TTLL9: variants seen among roughly 807,000 people sequenced by gnomAD.
TTLL9 encodes tubulin tyrosine ligase like 9.
Under a neutral mutation model 65.6 loss-of-function variants are expected in TTLL9, and 47 were observed. That is an observed-to-expected ratio of 0.72 (90% CI 0.57 to 0.91). The LOEUF (loss-of-function observed/expected upper bound fraction) is 0.91, where lower values mean the gene tolerates loss of function less well. TTLL9 is among the 40% of genes least tolerant of loss of function. The pLI, the probability that TTLL9 is intolerant of heterozygous loss-of-function variation, is 0.00. For synonymous variants in TTLL9, 179 were observed against 204.8 expected (o/e 0.87, Z 1.07); for missense variants, 537 against 568.8 (o/e 0.94, Z 0.57).
At chr20:31,933,910 C>G in intron 11 of TTLL9, 52 bp downstream of exon 11, 1 of 1,555,756 alleles carries the variant, frequency 6.4e-7, no homozygotes, top group South Asian at 1.2e-5. Flanking sequence ...GGCGCCAGGT[C>G]GGGGTGGGGA....
chr20:31,873,854 AAGAAAGAAAGAAAGAAAG>A lies in TTLL9; in HGVS notation c.69+2661_69+2678del, dbSNP rs1158540920. Among the ~76,000 whole-genome samples the A allele has an allele frequency of 3.9e-4, 58 of 150,288 alleles. 1 individual carries two copies. In the East Asian group the frequency reaches 7.5e-3, roughly 19 times the overall value. On this transcript the variant is annotated intron_variant, in intron 2 of 14. Transcript: ENST00000535842. The stretch of plus-strand genomic sequence containing the variant: ...AAAGAAAGAAAGAAAGAAAGAAAGA[AAGAAAGAAAGAAAGAAAG>A]AAAGAAAGAAAGAGAAAGAAAACAC...
Position 31,934,732 on chromosome 20 carries a change from C to A in TTLL9, c.848C>A (p.Ala283Glu), listed in dbSNP as rs773056812. Reference protein sequence around the residue: ...WTLQRFRQYLASKHGPEAVET... With the variant: ...WTLQRFRQYLESKHGPEAVET... Reference sequence around the variant, plus strand: ...CTGCAGCGCTTCCGGCAGTACCTGGCGTCCAAACACGGGCCCGAGGCAGTG... The same window carrying A: ...CTGCAGCGCTTCCGGCAGTACCTGGAGTCCAAACACGGGCCCGAGGCAGTG... Residue 283 changes from alanine (A) to glutamate (E), a missense_variant, in exon 12 of 15, where the codon GCG becomes GAG. By Grantham distance (107) the Ala-to-Glu change is moderately radical (BLOSUM62 -1). Coordinates refer to ENST00000535842, the MANE Select transcript of TTLL9 (RefSeq NM_001008409.5). The A allele has an allele frequency of 4.3e-6, 7 of 1,612,234 alleles. No individual in the cohort carries two copies. The East Asian group carries it at 1.3e-4, about 31-fold the overall frequency.
At chr20:31,884,516 C>A (rs749238894) in intron 2 of TTLL9, among the ~76,000 whole-genome samples, 2 of 152,096 alleles carry the variant, frequency 1.3e-5, no homozygotes, top group African/African-American at 4.8e-5. Context: ...TGTGAGCCAC[C>A]GAACCTGGTC....
chr20:31,923,796 G>A (rs1009628225), intron 8 of TTLL9, among the ~76,000 whole-genome samples: 1 of 152,006 alleles, frequency 6.6e-6, no homozygotes, highest in African/African-American at 2.4e-5. Flanking sequence ...ACCTTCCCCA[G>A]GGGGCAGCCC....
chr20:31,885,740 C>T (rs2063179766), intron 2 of TTLL9, among the ~76,000 whole-genome samples: 2 of 152,216 alleles, frequency 1.3e-5, no homozygotes, highest in African/African-American at 4.8e-5. Context: ...CCCTAGAGTA[C>T]ATGCCTTGTA....
intron 2 of TTLL9, among the ~76,000 whole-genome samples, chr20:31,873,840 G>GAAAA (rs1333269602): frequency 3.1e-5 from 4 of 129,190 alleles, no homozygotes; most frequent in East Asian, 2.1e-4. Flanking sequence ...AAGAAAGAAA[G>GAAAA]AAAGAAAGAA....
At chr20:31,939,350 G>T in intron 14 of TTLL9, 84 bp downstream of exon 14, 2 of 1,505,522 alleles carry the variant, frequency 1.3e-6, no homozygotes, top group Non-Finnish European at 1.8e-6. Flanking sequence ...TTGGGATAGT[G>T]GTTAGATTGT....
Position 31,939,284 on chromosome 20 carries a change from G to C in TTLL9, c.1243+18G>C. The C allele has an allele frequency of 3.7e-6, 6 of 1,612,994 alleles. No individual in the cohort carries two copies. The highest frequency in any genetic ancestry group is 1.7e-4 in the Middle Eastern group (1 of 6,054). ...ACATCTCGGTATGTAGGGCCAGGTG[G>C]GGAGTGGGCACAAGGGATGGGGTCA... On this transcript the variant is annotated intron_variant, in intron 14 of 14. Transcript: ENST00000535842.
At chr20:31,890,154 C>CTTCCTTTCTTTCTTTCT (rs2063281386) in intron 3 of TTLL9, among the ~76,000 whole-genome samples, 1 of 13,576 alleles carries the variant, frequency 7.4e-5, no homozygotes, top group African/African-American at 6.9e-4. Context: ...TCCTTCCTTC[C>CTTCCTTTCTTTCTTTCT]TTCTTTCTTT....
intron 2 of TTLL9, among the ~76,000 whole-genome samples, chr20:31,873,821 G>GAAGGAAGAAAGA (rs1568723275): frequency 2.7e-4 from 26 of 96,066 alleles, no homozygotes; most frequent in African/African-American, 6.0e-4. Flanking sequence ...AGGAAGGAAG[G>GAAGGAAGAAAGA]AAGAAAGAAA....
chr20:31,920,063 G>T, intron 7 of TTLL9, 131 bp downstream of exon 7: 2 of 748,688 alleles, frequency 2.7e-6, no homozygotes, highest in Non-Finnish European at 3.9e-6. Context: ...GCCCATTGGA[G>T]CAGGGTCTCC....
intron 13 of TTLL9, 24 bp downstream of exon 13, chr20:31,937,533 C>T (rs1251557921): frequency 1.3e-6 from 2 of 1,581,128 alleles, no homozygotes; most frequent in South Asian, 2.2e-5. Flanking sequence ...GCCTTGATCA[C>T]ATGTCCTTGT....
At chr20:31,878,218 C>G (rs770108973) in intron 2 of TTLL9, among the ~76,000 whole-genome samples, 4 of 152,082 alleles carry the variant, frequency 2.6e-5, no homozygotes, top group East Asian at 1.9e-4. Flanking sequence ...AACAAAAAAC[C>G]CTTTTATTTG....
chr20:31,896,519 TG>T lies in TTLL9; in HGVS notation c.114-1953del, dbSNP rs560362178. 4.6e-3 allele frequency among the ~76,000 whole-genome samples: 695 copies of T among 152,216 alleles called. 3 individuals are homozygous for T. Among genetic ancestry groups the T allele is most frequent in the African/African-American group, 0.015 (628 of 41,506 alleles). ...AGTCTGTTAATATGACTGATTACAT[TG>T]TTTTTTTTGTTGTTGTTTTGGTTTT... On this transcript the variant is annotated intron_variant, in intron 3 of 14. Coordinates refer to ENST00000535842, the MANE Select transcript of TTLL9 (RefSeq NM_001008409.5).
At chr20:31,889,970 CTCTCTTTCTTTCTTTCTT>C (rs1437733998) in intron 3 of TTLL9, among the ~76,000 whole-genome samples, 3 of 133,652 alleles carry the variant, frequency 2.2e-5, no homozygotes, top group African/African-American at 9.6e-5. Context: ...AGCCACATCT[CTCTCTTTCTTTCTTTCTT>C]TCTTTCTTTC....
At chr20:31,879,874 A>G in intron 2 of TTLL9, 1 of 1,550,416 alleles carries the variant, frequency 6.4e-7, no homozygotes, top group African/African-American at 1.4e-5. Context: ...GCCCCTGGGG[A>G]ATCGCGTTAT....
intron 6 of TTLL9, among the ~76,000 whole-genome samples, chr20:31,913,828 C>T (rs1191621522): frequency 6.6e-6 from 1 of 152,248 alleles, no homozygotes; most frequent in Non-Finnish European, 1.5e-5. Flanking sequence ...GAAGCATTCT[C>T]CCCTGCCAGC....
At chr20:31,879,925 T>C in intron 2 of TTLL9, 1 of 1,538,410 alleles carries the variant, frequency 6.5e-7, no homozygotes, top group Non-Finnish European at 8.8e-7. Flanking sequence ...CCAGATGCTT[T>C]TATCGTCCCT....
At chr20:31,916,578 G>A (rs978607367) in intron 6 of TTLL9, among the ~76,000 whole-genome samples, 1 of 152,156 alleles carries the variant, frequency 6.6e-6, no homozygotes, top group African/African-American at 2.4e-5. Context: ...GAAGGCTGAG[G>A]GTAGGCATAT....
Sources: allele counts gnomAD v4.1 joint callset (sites outside exome capture counted in the v4.1 genomes callset), GRCh38; gene constraint gnomAD v4.1.1; transcripts MANE v1.5; gene names NCBI Gene and HGNC (gene_info 2026-07-23, HGNC 2026-07-21).